The following MAGI2 variants were observed in gnomAD, a reference collection of about 807,000 sequenced individuals.
MAGI2 encodes the protein membrane-associated guanylate kinase, WW and PDZ domain-containing protein 2.
Under a neutral mutation model 133.3 loss-of-function variants are expected in MAGI2, and 35 were observed. That is an observed-to-expected ratio of 0.26 (90% CI 0.20 to 0.35). The LOEUF is 0.35. MAGI2 is among the 10% of genes least tolerant of loss of function. The pLI is 1.00. For missense variants in MAGI2, 1,636 were observed against 1,863.4 expected, an observed-to-expected ratio of 0.88 and a Z score of 2.25; for synonymous variants, 729 against 710.6, an observed-to-expected ratio of 1.03 and a Z score of -0.41.
chr7:78,976,494 T>C (rs1453390710), intron 2 of MAGI2, among the ~76,000 whole-genome samples: 1 of 148,106 alleles, frequency 6.8e-6, no homozygotes, highest in Non-Finnish European at 1.5e-5. Context: ...TCACCTAACA[T>C]CTCATGTTTT....
chr7:78,722,503 G>A (rs1473474355), intron 2 of MAGI2, among the ~76,000 whole-genome samples: 1 of 151,860 alleles, frequency 6.6e-6, no homozygotes, highest in Non-Finnish European at 1.5e-5. Flanking sequence ...TTCTACCAAA[G>A]ACACTATTTT....
chr7:79,367,875 A>ATATATATATATATATATG lies in MAGI2; in HGVS notation c.301+85144_301+85145insCATATATATATATATATA, dbSNP rs1342246318. Among the ~76,000 whole-genome samples the ATATATATATATATATATG allele has an allele frequency of 3.8e-4, 47 of 122,114 alleles. 2 individuals are homozygous for ATATATATATATATATATG. Among genetic ancestry groups the ATATATATATATATATATG allele is most frequent in the African/African-American group, 1.0e-3 (30 of 28,872 alleles). The allele number at this position is 122,114 out of a possible 152,430, so 80.1% of individuals were successfully genotyped here. A position where few individuals can be genotyped will look rare whatever the true frequency, so the allele number is the denominator to read the frequency against. ...ATATGTGACATATATATATATATAT[A>ATATATATATATATATATG]TGTCATTGACTGGTCAGTCTTCTTC... On this transcript the variant is annotated intron_variant, in intron 1 of 21. Transcript: ENST00000354212.
At chr7:78,097,825 A>T (rs1817849664) in intron 20 of MAGI2, among the ~76,000 whole-genome samples, 1 of 151,352 alleles carries the variant, frequency 6.6e-6, no homozygotes, top group South Asian at 2.1e-4. Flanking sequence ...TAAAAGATAA[A>T]AAAATAAAAA....
Position 78,127,421 on chromosome 7 carries a change from A to G in MAGI2, c.3204-5T>C. 1 of 1,592,622 alleles carries G rather than the reference A, an allele frequency of 6.3e-7. No individual in the cohort carries two copies. The highest frequency in any genetic ancestry group is 1.7e-4 in the Middle Eastern group (1 of 6,046). On this transcript the variant is annotated splice_region_variant and splice_polypyrimidine_tract_variant and intron_variant, in intron 18 of 21. Transcript: ENST00000354212. ...GCTTTCACTTCCGACCTGTAACTAA[A>G]TCAATGGAAATGGGATTTGCTTTTG...
intron 1 of MAGI2, among the ~76,000 whole-genome samples, chr7:79,290,542 A>G (rs537116997): frequency 3.9e-4 from 60 of 151,988 alleles, no homozygotes; most frequent in Admixed American, 7.2e-4. Context: ...ACATTCCTCC[A>G]TGTTCACCTC....
At chr7:78,102,182 T>G (rs1211880913) in intron 20 of MAGI2, among the ~76,000 whole-genome samples, 2 of 151,858 alleles carry the variant, frequency 1.3e-5, no homozygotes, top group Middle Eastern at 6.3e-3. Context: ...AGTAAAATGA[T>G]GGTTGTCAGG....
intron 20 of MAGI2, among the ~76,000 whole-genome samples, chr7:78,102,056 A>G (rs544424441): frequency 3.9e-5 from 6 of 152,212 alleles, no homozygotes; most frequent in Non-Finnish European, 7.3e-5. Context: ...ATTTGTGACA[A>G]TGTGAATGAA....
intron 1 of MAGI2, among the ~76,000 whole-genome samples, chr7:79,330,044 T>C (rs981902849): frequency 1.3e-5 from 2 of 152,100 alleles, no homozygotes; most frequent in Non-Finnish European, 2.9e-5. Flanking sequence ...CTTTAGCAGA[T>C]ACTCCAAGTA....
rs901783769 is a variant in MAGI2 at position 79,128,830 on chromosome 7, T to C, written c.302-121624A>G. On this transcript the variant is annotated intron_variant, in intron 1 of 21. Transcript: ENST00000354212. The stretch of plus-strand genomic sequence containing the variant: ...AGTTGAAAATTTCCTTAGTTGAAAA[T>C]GCATTAATACATCTAACATACTAAA... Among the ~76,000 whole-genome samples, 5 of 152,202 alleles carry C rather than the reference T, an allele frequency of 3.3e-5. No individual in the cohort carries two copies. The South Asian group carries it at 1.0e-3, about 31-fold the overall frequency.
chr7:78,753,077 A>C (rs1029364959), intron 2 of MAGI2, among the ~76,000 whole-genome samples: 10 of 152,210 alleles, frequency 6.6e-5, no homozygotes, highest in Admixed American at 3.3e-4. Context: ...AATAATATCC[A>C]GGACAGAATG....
chr7:79,089,492 G>A (rs1816855478), intron 1 of MAGI2, among the ~76,000 whole-genome samples: 1 of 151,936 alleles, frequency 6.6e-6, no homozygotes, highest in South Asian at 2.1e-4. Flanking sequence ...CTACTATAAA[G>A]ACACATGCAC....
chr7:79,354,173 C>T (rs1841865703), intron 1 of MAGI2: 2 of 152,118 alleles, frequency 1.3e-5, no homozygotes, highest in Non-Finnish European at 2.9e-5. Flanking sequence ...AACAAGAGAC[C>T]AAGTAGCACC....
intron 1 of MAGI2, among the ~76,000 whole-genome samples, chr7:79,216,683 C>T (rs1830059056): frequency 1.3e-5 from 2 of 152,066 alleles, no homozygotes; most frequent in Non-Finnish European, 2.9e-5. Flanking sequence ...GTTGCATGTC[C>T]TGCAAGGGGC....
At chr7:78,498,851 T>C (rs1007740396) in intron 5 of MAGI2, among the ~76,000 whole-genome samples, 2 of 152,050 alleles carry the variant, frequency 1.3e-5, no homozygotes, top group African/African-American at 4.8e-5. Flanking sequence ...CCTCCTCTGT[T>C]AATCACCTTC....
chr7:78,205,720 T>A (rs940176177), intron 10 of MAGI2, among the ~76,000 whole-genome samples: 12 of 152,224 alleles, frequency 7.9e-5, no homozygotes, highest in African/African-American at 2.9e-4. Flanking sequence ...AATTTATATA[T>A]GTCCCTGGTA....
At chr7:78,524,514 G>A (rs1490466253) in intron 3 of MAGI2, among the ~76,000 whole-genome samples, 1 of 152,056 alleles carries the variant, frequency 6.6e-6, no homozygotes, top group Non-Finnish European at 1.5e-5. Context: ...AGAGAGTAAT[G>A]CAAGAAAAAA....
rs543991530 is a variant in MAGI2 at position 79,203,380 on chromosome 7, A to G, written c.302-196174T>C. On this transcript the variant is annotated intron_variant, in intron 1 of 21. Coordinates refer to ENST00000354212, the MANE Select transcript of MAGI2 (RefSeq NM_012301.4). ...GAAACAATGTCAAATTATTTTCCAT[A>G]AAGCCCTATTTCATCTGGTCCTGTC... Among the ~76,000 whole-genome samples the G allele has an allele frequency of 2.6e-5, 4 of 152,152 alleles. No homozygotes were observed. The South Asian group carries it at 6.2e-4, about 24-fold the overall frequency.
Position 78,320,382 on chromosome 7 carries a change from C to T in MAGI2, c.1408+23396G>A, listed in dbSNP as rs956919095. 3.9e-5 allele frequency among the ~76,000 whole-genome samples: 6 copies of T among 152,020 alleles called. No homozygotes were observed. The East Asian group carries it at 7.7e-4, about 20-fold the overall frequency. On this transcript the variant is annotated intron_variant, in intron 9 of 21. Coordinates refer to ENST00000354212, the MANE Select transcript of MAGI2 (RefSeq NM_012301.4). ...ACTGCAAAAGTCCTCAATAAAATACCGGCAAACCACATCCAGCAGCACATC... is the reference window on the plus strand; with the variant it reads ...ACTGCAAAAGTCCTCAATAAAATACTGGCAAACCACATCCAGCAGCACATC...
At chr7:78,612,058 T>C (rs978355754) in intron 3 of MAGI2, among the ~76,000 whole-genome samples, 3 of 152,228 alleles carry the variant, frequency 2.0e-5, no homozygotes, top group East Asian at 3.8e-4. Context: ...TTATTAGATA[T>C]ACATCTCTAC....
Sources: allele counts gnomAD v4.1 joint callset (sites outside exome capture counted in the v4.1 genomes callset), GRCh38; gene constraint gnomAD v4.1.1; transcripts MANE v1.5; gene names NCBI Gene and HGNC (gene_info 2026-07-23, HGNC 2026-07-21).